Variants in GRIA4 observed in about 807,000 individuals in gnomAD.
The protein encoded by GRIA4 is glutamate ionotropic receptor AMPA type subunit 4.
A neutral mutation model predicts 104.0 loss-of-function variants in GRIA4; 34 were observed. The ratio of observed to expected loss-of-function variants is 0.33; its 90% CI spans 0.25 to 0.44. The LOEUF (loss-of-function observed/expected upper bound fraction) is 0.44, where lower values mean the gene tolerates loss of function less well. Ranked by LOEUF, GRIA4 falls within the 20% of genes least tolerant of loss-of-function variation. The probability of loss-of-function intolerance (pLI) is 1.00; values close to 1 mark genes in which losing one functional copy is unlikely to be tolerated. For missense variants in GRIA4, 750 were observed against 1,096.5 expected, an observed-to-expected ratio of 0.68 and a Z score of 4.46; for synonymous variants, 386 against 381.9, an observed-to-expected ratio of 1.01 and a Z score of -0.13.
intron 4 of GRIA4, among the ~76,000 whole-genome samples, chr11:105,826,093 A>C (rs1214030071): frequency 6.6e-6 from 1 of 152,022 alleles, no homozygotes; most frequent in East Asian, 1.9e-4. Context: ...GTGTGTGTAT[A>C]ACCTTCAGTT....
At chr11:105,857,709 A>T (rs1945057940) in intron 4 of GRIA4, among the ~76,000 whole-genome samples, 1 of 152,116 alleles carries the variant, frequency 6.6e-6, no homozygotes, top group South Asian at 2.1e-4. Context: ...GCTCATGCTA[A>T]GTGCACCAAT....
chr11:105,864,762 C>T (rs957884403), intron 5 of GRIA4, among the ~76,000 whole-genome samples: 1 of 151,836 alleles, frequency 6.6e-6, no homozygotes, highest in Non-Finnish European at 1.5e-5. Context: ...CCCAGCTACT[C>T]GGGAGGCTGA....
chr11:105,717,788 T>G (rs1001038352), intron 3 of GRIA4, among the ~76,000 whole-genome samples: 1 of 151,796 alleles, frequency 6.6e-6, no homozygotes, highest in African/African-American at 2.4e-5. Context: ...TGTATACATG[T>G]GTCATGCTGG....
At chr11:105,790,100 T>C (rs1191641124) in intron 4 of GRIA4, among the ~76,000 whole-genome samples, 2 of 152,196 alleles carry the variant, frequency 1.3e-5, no homozygotes, top group Non-Finnish European at 2.9e-5. Context: ...CTATTCAAAA[T>C]GCAAAACTGC....
chr11:105,816,936 T>C (rs1943400740), intron 4 of GRIA4, among the ~76,000 whole-genome samples: 2 of 152,104 alleles, frequency 1.3e-5, no homozygotes, highest in African/African-American at 4.8e-5. Flanking sequence ...GGGAGGACTG[T>C]TTGAGCCCAG....
At chr11:105,695,022 T>C (rs1384948489) in intron 3 of GRIA4, among the ~76,000 whole-genome samples, 7 of 152,200 alleles carry the variant, frequency 4.6e-5, no homozygotes, top group South Asian at 2.1e-4. Flanking sequence ...CAAGGGTACA[T>C]AGCTAGTTCA....
At chr11:105,673,547 C>G (rs2135444869) in intron 3 of GRIA4, among the ~76,000 whole-genome samples, 1 of 152,126 alleles carries the variant, frequency 6.6e-6, no homozygotes, top group South Asian at 2.1e-4. Flanking sequence ...ATTTTTCTCT[C>G]TCTCAATTAA....
At chr11:105,895,633 GA>G (rs1288899043) in intron 6 of GRIA4, among the ~76,000 whole-genome samples, 152 of 151,364 alleles carry the variant, frequency 1.0e-3, no homozygotes, top group African/African-American at 3.2e-3. Flanking sequence ...GAGGGAGGGA[GA>G]GAGAGAGAGA....
rs536817665 is a variant in GRIA4, at chr11:105,944,408, G to A, written c.2294+10439G>A. Among the ~76,000 whole-genome samples, 5 of 152,126 alleles carry A rather than the reference G, an allele frequency of 3.3e-5. No homozygotes were observed. The South Asian group carries it at 1.0e-3, about 32-fold the overall frequency. ...TCTCCACTCTCCTTCATGTCTCACA[G>A]AATTCAATCAATTGTCTGGTATTTG... On this transcript the variant is annotated intron_variant, in intron 14 of 16. Coordinates refer to ENST00000282499, the MANE Select transcript of GRIA4 (RefSeq NM_000829.4).
At chr11:105,732,975 C>T (rs992439625) in intron 3 of GRIA4, among the ~76,000 whole-genome samples, 4 of 152,156 alleles carry the variant, frequency 2.6e-5, no homozygotes, top group African/African-American at 9.7e-5. Context: ...TTTGATGTGT[C>T]TAAATGTCCA....
chr11:105,934,090 T>G (rs1031231699), intron 14 of GRIA4, 121 bp downstream of exon 14: 3 of 850,754 alleles, frequency 3.5e-6, no homozygotes, highest in Admixed American at 3.2e-5. Context: ...TTTGTTTTCT[T>G]TTTCTCCATT....
chr11:105,967,757 A>G (rs1257839893), intron 14 of GRIA4, among the ~76,000 whole-genome samples: 1 of 151,766 alleles, frequency 6.6e-6, no homozygotes, highest in Non-Finnish European at 1.5e-5. Context: ...TTATCAAGAG[A>G]ATAGATTGTT....
chr11:105,616,944 TTTC>T (rs1950616388), intron 3 of GRIA4, among the ~76,000 whole-genome samples: 2 of 151,682 alleles, frequency 1.3e-5, no homozygotes, highest in African/African-American at 2.4e-5. Flanking sequence ...AGTTTTTCTC[TTTC>T]TTAAGTGATA....
At chr11:105,729,499 C>T (rs1361172978) in intron 3 of GRIA4, among the ~76,000 whole-genome samples, 1 of 152,178 alleles carries the variant, frequency 6.6e-6, no homozygotes, top group East Asian at 1.9e-4. Context: ...TCCTCCCTAA[C>T]TCATTTTATG....
intron 16 of GRIA4, chr11:105,974,755 T>C (rs1420876130): frequency 3.9e-6 from 2 of 517,678 alleles, no homozygotes; most frequent in Non-Finnish European, 6.9e-6. Flanking sequence ...ATATCTGCAT[T>C]GCAAGGGTCA....
At chr11:105,677,911 T>G (rs190106627) in intron 3 of GRIA4, among the ~76,000 whole-genome samples, 106 of 152,114 alleles carry the variant, frequency 7.0e-4, no homozygotes, top group African/African-American at 2.5e-3. Context: ...AACTTGGACA[T>G]GTTGCATTGT....
intron 3 of GRIA4, among the ~76,000 whole-genome samples, chr11:105,650,828 A>C (rs1416014097): frequency 6.6e-6 from 1 of 152,152 alleles, no homozygotes; most frequent in African/African-American, 2.4e-5. Flanking sequence ...GAAATCTCAG[A>C]TGAAGATTGT....
intron 3 of GRIA4, among the ~76,000 whole-genome samples, chr11:105,700,777 A>G (rs1436853517): frequency 1.3e-5 from 2 of 152,118 alleles, no homozygotes; most frequent in Non-Finnish European, 1.5e-5. Flanking sequence ...GTCAACTCTT[A>G]TGTGGATGAA....
chr11:105,629,248 AAAATAAATAAATAAATAAAT>A (rs56314166), intron 3 of GRIA4, among the ~76,000 whole-genome samples: 34 of 147,012 alleles, frequency 2.3e-4, no homozygotes, highest in African/African-American at 4.7e-4. Context: ...AAATAAACTA[AAAATAAATAAATAAATAAAT>A]AAATAAATAA....
Sources: allele counts gnomAD v4.1 joint callset (sites outside exome capture counted in the v4.1 genomes callset), GRCh38; gene constraint gnomAD v4.1.1; transcripts MANE v1.5; gene names NCBI Gene and HGNC (gene_info 2026-07-23, HGNC 2026-07-21).